The following CCDC30 variants were observed in gnomAD, a reference collection of about 807,000 sequenced individuals.
CCDC30 encodes coiled-coil domain containing 30.
Under a neutral mutation model 100.2 loss-of-function variants are expected in CCDC30, and 70 were observed. That is an observed-to-expected ratio of 0.70 (90% CI 0.58 to 0.85). The LOEUF (loss-of-function observed/expected upper bound fraction) is 0.85, where lower values mean the gene tolerates loss of function less well. Among genes scored for constraint, CCDC30 ranks in the 40% least tolerant of loss-of-function variants. The pLI is 0.00. For synonymous variants in CCDC30, 233 were observed against 269.5 expected, an observed-to-expected ratio of 0.86 and a Z score of 1.33; for missense variants, 652 against 771.2, an observed-to-expected ratio of 0.85 and a Z score of 1.83.
intron 11 of CCDC30, among the ~76,000 whole-genome samples, chr1:42,629,357 G>A (rs572447119): frequency 3.9e-5 from 6 of 152,270 alleles, no homozygotes; most frequent in South Asian, 2.1e-4. Flanking sequence ...CCACTCTCTC[G>A]TGGCCTGTAA....
chr1:42,461,446 C>T (rs1258878960), upstream of CCDC30, among the ~76,000 whole-genome samples: 3 of 152,170 alleles, frequency 2.0e-5, no homozygotes, highest in Non-Finnish European at 2.9e-5. Flanking sequence ...AGCACTCCTA[C>T]TGCCACAGCC....
rs57051349 is a variant in CCDC30, at chr1:42,650,497, ATGTGTGTGTGTGTGTG to A, written c.1855-2851_1855-2836del. On this transcript the variant is annotated intron_variant, in intron 15 of 16. Transcript: ENST00000668663. ...CAAGACCCTGTCTAAAAAAATATAT[ATGTGTGTGTGTGTGTG>A]TGTGTGTGTGTGTGTGTGTGTGTGT... is the stretch of plus-strand genomic sequence containing the variant. Among the ~76,000 whole-genome samples, 83 of 136,292 alleles carry A rather than the reference ATGTGTGTGTGTGTGTG, an allele frequency of 6.1e-4. 1 individual carries two copies. The highest frequency in any genetic ancestry group is 2.5e-4 in the Non-Finnish European group (16 of 64,076). The allele number at this position is 136,292 out of a possible 152,430, so 89.4% of individuals were successfully genotyped here.
At chr1:42,546,802 G>A (rs1300948528) in intron 6 of CCDC30, among the ~76,000 whole-genome samples, 4 of 151,898 alleles carry the variant, frequency 2.6e-5, no homozygotes, top group South Asian at 2.1e-4. Context: ...TCACAGAAAC[G>A]TGAGGCTTTG....
At chr1:42,585,555 C>T (rs1646050951) in intron 9 of CCDC30, among the ~76,000 whole-genome samples, 1 of 152,006 alleles carries the variant, frequency 6.6e-6, no homozygotes, top group South Asian at 2.1e-4. Context: ...TTAATACTCT[C>T]ATTTTTACTA....
chr1:42,502,641 C>T (rs1253899102), intron 6 of CCDC30, among the ~76,000 whole-genome samples: 2 of 152,134 alleles, frequency 1.3e-5, no homozygotes, highest in Non-Finnish European at 1.5e-5. Flanking sequence ...ATTTTTATCC[C>T]CCAAGAGAGA....
At chr1:42,523,878 A>G (rs184018823) in intron 6 of CCDC30, among the ~76,000 whole-genome samples, 4 of 152,178 alleles carry the variant, frequency 2.6e-5, no homozygotes, top group South Asian at 4.2e-4. Flanking sequence ...TTGAATCCCT[A>G]TAGTGAATTT....
intron 6 of CCDC30, chr1:42,500,271 C>G (rs1351172864): frequency 9.3e-6 from 15 of 1,610,416 alleles, no homozygotes; most frequent in Non-Finnish European, 1.3e-5. Flanking sequence ...TTTTCTCTTG[C>G]GTCTCTGTCT....
intron 10 of CCDC30, among the ~76,000 whole-genome samples, chr1:42,599,595 A>C (rs1309282347): frequency 6.6e-6 from 1 of 152,228 alleles, no homozygotes; most frequent in Non-Finnish European, 1.5e-5. Flanking sequence ...GTTTAAATGC[A>C]CCAATTAAAA....
intron 13 of CCDC30, among the ~76,000 whole-genome samples, chr1:42,644,015 T>C (rs963784260): frequency 3.3e-5 from 5 of 152,240 alleles, no homozygotes; most frequent in African/African-American, 1.2e-4. Context: ...TTAATACTCT[T>C]GTACATGTAT....
intron 11 of CCDC30, among the ~76,000 whole-genome samples, chr1:42,612,801 A>C (rs1304710746): frequency 6.6e-6 from 1 of 152,182 alleles, no homozygotes; most frequent in African/African-American, 2.4e-5. Context: ...ACTTTAGCAA[A>C]ACAGTTTAGG....
chr1:42,642,746 G>A, intron 13 of CCDC30, 137 bp downstream of exon 17: 5 of 830,954 alleles, frequency 6.0e-6, no homozygotes, highest in Non-Finnish European at 8.5e-6. Flanking sequence ...GCTGTTTTTG[G>A]CAGATCATAC....
At chr1:42,578,095 C>CTAGGTG in intron 8 of CCDC30, among the ~76,000 whole-genome samples, 1 of 152,214 alleles carries the variant, frequency 6.6e-6, no homozygotes, top group African/African-American at 2.4e-5. Context: ...TTGCCCGACA[C>CTAGGTG]TAGGTGGCAG....
At position 42,577,143 on chromosome 1, in the gene CCDC30, A is replaced by C. The variant is rs750574938; in HGVS notation, c.760A>C (p.Lys254Gln). 3 of 1,614,120 alleles carry C rather than the reference A, an allele frequency of 1.9e-6. No individual in the cohort carries two copies. In the South Asian group the frequency reaches 3.3e-5, roughly 18 times the overall value. Residue 254 changes from lysine (K) to glutamine (Q), a missense_variant, in exon 8 of 17, where the codon AAA becomes CAA. Physicochemically the swap from Lys to Gln is moderately conservative, Grantham distance 53 (BLOSUM62 1). Coordinates refer to ENST00000668663, the Ensembl canonical transcript of CCDC30. ...CAAGGAACTGGAGTTGGAAGTACTT[A>C]AACACACTCAGAGCATTAAATCACA...
chr1:42,472,469 G>A (rs1239912632), intron 1 of CCDC30, among the ~76,000 whole-genome samples: 1 of 152,116 alleles, frequency 6.6e-6, no homozygotes, highest in Non-Finnish European at 1.5e-5. Flanking sequence ...TATTCTGTGA[G>A]TAAAATAAAT....
chr1:42,634,677 T>G (rs1647114155), intron 11 of CCDC30, among the ~76,000 whole-genome samples: 1 of 152,232 alleles, frequency 6.6e-6, no homozygotes, highest in Non-Finnish European at 1.5e-5. Context: ...TTTTGTTTCT[T>G]TGGTTTTTTA....
At chr1:42,502,120 C>G (rs1045819423) in intron 6 of CCDC30, among the ~76,000 whole-genome samples, 1 of 152,150 alleles carries the variant, frequency 6.6e-6, no homozygotes, top group South Asian at 2.1e-4. Context: ...TTGAGCTTCC[C>G]GGCTTCTTTG....
At chr1:42,567,266 G>A (rs1266276210) in intron 7 of CCDC30, among the ~76,000 whole-genome samples, 3 of 152,126 alleles carry the variant, frequency 2.0e-5, no homozygotes, top group African/African-American at 7.2e-5. Context: ...AGCCATATCT[G>A]TCTGTTTATA....
chr1:42,644,901 T>C, intron 14 of CCDC30, 94 bp downstream of exon 18: 1 of 782,164 alleles, frequency 1.3e-6, no homozygotes, highest in Non-Finnish European at 2.2e-6. Context: ...TTTATATAGC[T>C]GTAGCTGGGC....
intron 9 of CCDC30, among the ~76,000 whole-genome samples, chr1:42,585,956 T>G (rs962483540): frequency 6.6e-6 from 1 of 152,218 alleles, no homozygotes; most frequent in Non-Finnish European, 1.5e-5. Context: ...TTTTTGCTAT[T>G]ATAAAACTGT....
Sources: allele counts gnomAD v4.1 joint callset (sites outside exome capture counted in the v4.1 genomes callset), GRCh38; gene constraint gnomAD v4.1.1; transcripts MANE v1.5; gene names NCBI Gene and HGNC (gene_info 2026-07-23, HGNC 2026-07-21).